The following SEMA5A variants were observed in gnomAD, a reference collection of about 807,000 sequenced individuals.
The protein encoded by SEMA5A is semaphorin 5A.
In SEMA5A, 55 loss-of-function variants were observed where a neutral mutation model predicts 135.5. The observed-to-expected ratio is 0.41, with a 90% confidence interval of 0.33 to 0.51. SEMA5A has a LOEUF of 0.51. Among genes scored for constraint, SEMA5A ranks in the 20% least tolerant of loss-of-function variants. The pLI is 0.37. For missense variants in SEMA5A, 1,290 were observed against 1,419.9 expected (o/e 0.91, Z 1.47); for synonymous variants, 580 against 546.5 (o/e 1.06, Z -0.85).
intron 10 of SEMA5A, among the ~76,000 whole-genome samples, chr5:9,195,120 C>T (rs998297198): frequency 2.0e-5 from 3 of 152,134 alleles, no homozygotes; most frequent in East Asian, 1.9e-4. Context: ...GAAAATGAGA[C>T]GAAATATGCA....
At chr5:9,386,288 A>C (rs962881248) in intron 2 of SEMA5A, among the ~76,000 whole-genome samples, 1 of 152,212 alleles carries the variant, frequency 6.6e-6, no homozygotes, top group African/African-American at 2.4e-5. Flanking sequence ...TGACAGAGCC[A>C]AAGATGGGGT....
chr5:9,522,277 TAATTG>T (rs1736876621), intron 1 of SEMA5A, among the ~76,000 whole-genome samples: 1 of 152,090 alleles, frequency 6.6e-6, no homozygotes, highest in Non-Finnish European at 1.5e-5. Context: ...ACAAAGGGCG[TAATTG>T]CAAATAAGAG....
intron 6 of SEMA5A, among the ~76,000 whole-genome samples, chr5:9,235,130 C>A (rs1441015717): frequency 6.6e-6 from 1 of 152,132 alleles, no homozygotes; most frequent in Admixed American, 6.5e-5. Flanking sequence ...GGAGGAAAAA[C>A]CCCTCGCTAC....
At position 9,224,967 on chromosome 5, in the gene SEMA5A, T is replaced by C. The variant is rs568424179; in HGVS notation, c.433-80A>G. The C allele has an allele frequency of 3.0e-6, 4 of 1,333,878 alleles. No individual in the cohort carries two copies. In the African/African-American group the frequency reaches 5.8e-5, roughly 19 times the overall value. The allele number at this position is 1,333,878 out of a possible 1,614,324, so 82.6% of individuals were successfully genotyped here. ...ATGCTTATGGTCACACCCACCATCA[T>C]CACAGTGACGCTTGTGCAACAGCCT... On this transcript the variant is annotated intron_variant, in intron 7 of 22. Coordinates refer to ENST00000382496, the MANE Select transcript of SEMA5A (RefSeq NM_003966.3).
chr5:9,063,061 T>A lies in SEMA5A; in HGVS notation c.2344A>T (p.Thr782Ser). The A allele has an allele frequency of 5.6e-6, 9 of 1,614,178 alleles. No individual in the cohort carries two copies. Among genetic ancestry groups the A allele is most frequent in the Non-Finnish European group, 7.6e-6 (9 of 1,180,040 alleles). ...FLRAGRYSAH[T>S]VNGAWSAWTS... ...CAGGCTGACCAAGCCCCGTTGACCG[T>A]GTGGGCAGAGTATCTCCCAGCACGC... Residue 782 changes from threonine to serine, a missense_variant, in exon 18 of 23, where the codon ACG (threonine) becomes TCG (serine). By Grantham distance (58) the Thr-to-Ser change is moderately conservative. Coordinates refer to ENST00000382496, the MANE Select transcript of SEMA5A (RefSeq NM_003966.3).
At chr5:9,172,119 T>C (rs1451804989) in intron 11 of SEMA5A, among the ~76,000 whole-genome samples, 4 of 152,088 alleles carry the variant, frequency 2.6e-5, no homozygotes, top group Non-Finnish European at 1.5e-5. Context: ...GGTTAAGTGT[T>C]AGAGGGTCCC....
At chr5:9,439,159 A>C (rs1186752336) in intron 1 of SEMA5A, among the ~76,000 whole-genome samples, 1 of 152,180 alleles carries the variant, frequency 6.6e-6, no homozygotes, top group Non-Finnish European at 1.5e-5. Flanking sequence ...CCGTGACATC[A>C]TCCTTTGGAC....
At chr5:9,356,140 C>T (rs1754434500) in intron 3 of SEMA5A, among the ~76,000 whole-genome samples, 1 of 152,168 alleles carries the variant, frequency 6.6e-6, no homozygotes, top group South Asian at 2.1e-4. Flanking sequence ...CAGGTAAGTC[C>T]CCAGCCCCCA....
chr5:9,341,674 T>A (rs1160164090), intron 3 of SEMA5A, among the ~76,000 whole-genome samples: 2 of 22,870 alleles, frequency 8.7e-5, no homozygotes, highest in Admixed American at 4.7e-4. Flanking sequence ...ATAATATATA[T>A]TATATATATA....
In SEMA5A at chr5:9,039,711, C is replaced by T. The variant is rs955576941; in HGVS notation, c.*3186G>A. On this transcript the variant is annotated 3_prime_UTR_variant, in exon 23 of 23. Coordinates refer to ENST00000382496, the MANE Select transcript of SEMA5A (RefSeq NM_003966.3). ...CGCCATGAGTCTGGAGACTGTGGCTCTTCTGTGCGGTGGAGCCTGACCACG... is the reference window on the plus strand; with the variant it reads ...CGCCATGAGTCTGGAGACTGTGGCTTTTCTGTGCGGTGGAGCCTGACCACG... 7 of 152,238 alleles carry T rather than the reference C, an allele frequency of 4.6e-5. No homozygotes were observed. Among genetic ancestry groups the T allele is most frequent in the African/African-American group, 1.7e-4 (7 of 41,428 alleles). The allele number at this position is 152,238 out of a possible 1,614,324, so 9.4% of individuals were successfully genotyped here. A position where few individuals can be genotyped will look rare whatever the true frequency, so the allele number is the denominator to read the frequency against.
chr5:9,353,097 GGAA>G (rs1278273357), intron 3 of SEMA5A, among the ~76,000 whole-genome samples: 3 of 2,280 alleles, frequency 1.3e-3, no homozygotes, highest in Non-Finnish European at 7.8e-4. Context: ...AGGAAAGGAA[GGAA>G]GGAAAGGAAA....
intron 3 of SEMA5A, among the ~76,000 whole-genome samples, chr5:9,349,687 G>A (rs771328441): frequency 2.6e-5 from 4 of 152,028 alleles, no homozygotes; most frequent in Non-Finnish European, 4.4e-5. Context: ...TTCACTTGAG[G>A]TCAGGAGATC....
chr5:9,457,993 C>T lies in SEMA5A; in HGVS notation c.-174-20141G>A, dbSNP rs766377329. On this transcript the variant is annotated intron_variant, in intron 1 of 22. Transcript: ENST00000382496. ...CGCCATCTCGGCTCACTGCAAGCTC[C>T]GCCTCCCGGGTTCATGCCATTCTCC... is the stretch of plus-strand genomic sequence containing the variant. 5.2e-4 allele frequency among the ~76,000 whole-genome samples: 78 copies of T among 148,804 alleles called. No individual in the cohort carries two copies. In the Middle Eastern group the frequency reaches 0.011, roughly 21 times the overall value.
intron 11 of SEMA5A, among the ~76,000 whole-genome samples, chr5:9,172,632 C>A (rs1194756831): frequency 6.6e-6 from 1 of 152,130 alleles, no homozygotes; most frequent in Admixed American, 6.6e-5. Context: ...CTACAGAAAC[C>A]TCTAAACTGT....
intron 3 of SEMA5A, among the ~76,000 whole-genome samples, chr5:9,370,274 T>C (rs923562706): frequency 6.6e-5 from 10 of 152,208 alleles, no homozygotes; most frequent in African/African-American, 2.4e-4. Flanking sequence ...AGGGTCTTGC[T>C]TCATTGATTT....
intron 5 of SEMA5A, among the ~76,000 whole-genome samples, chr5:9,314,285 C>T (rs978361392): frequency 2.0e-5 from 3 of 150,970 alleles, no homozygotes; most frequent in Admixed American, 6.6e-5. Flanking sequence ...GGCGCACCAG[C>T]GATCCAGAAC....
rs559914792 is a variant in SEMA5A at position 9,180,656 on chromosome 5, AAGG to A, written c.1273+9608_1273+9610del. Among the ~76,000 whole-genome samples, 4 of 152,290 alleles carry A rather than the reference AAGG, an allele frequency of 2.6e-5. No individual in the cohort carries two copies. In the South Asian group the frequency reaches 6.2e-4, roughly 24 times the overall value. Reference sequence around the variant, plus strand: ...TATTAACTTAATTTCTGGTACCCAGAAGGGTATCCTTGGGGTCTCTAAAGTCTT... The same window carrying A: ...TATTAACTTAATTTCTGGTACCCAGAGTATCCTTGGGGTCTCTAAAGTCTT... On this transcript the variant is annotated intron_variant, in intron 11 of 22. Transcript: ENST00000382496.
At chr5:9,060,748 G>A (rs1737139440) in intron 18 of SEMA5A, among the ~76,000 whole-genome samples, 1 of 152,024 alleles carries the variant, frequency 6.6e-6, no homozygotes, top group African/African-American at 2.4e-5. Flanking sequence ...TACAAATCTG[G>A]AAACTATATA....
At chr5:9,065,517 G>A (rs1053671814) in intron 17 of SEMA5A, among the ~76,000 whole-genome samples, 14 of 152,200 alleles carry the variant, frequency 9.2e-5, no homozygotes, top group African/African-American at 2.9e-4. Flanking sequence ...CTGTCCTTTC[G>A]TGTTGGGAGA....
Sources: gnomAD v4.1 joint callset for allele counts (sites outside exome capture counted in the v4.1 genomes callset) on GRCh38, gnomAD v4.1.1 for gene constraint, MANE v1.5 for transcripts, NCBI Gene and HGNC (gene_info 2026-07-23, HGNC 2026-07-21) for gene names.